The following KCNMB4 variants were observed in gnomAD, a reference collection of about 807,000 sequenced individuals.
The protein encoded by KCNMB4 is potassium calcium-activated channel subfamily M regulatory beta subunit 4, also known as calcium-activated potassium channel subunit beta-4.
In KCNMB4, 3 loss-of-function variants were observed where a neutral mutation model predicts 20.7. The observed-to-expected ratio is 0.14, with a 90% CI of 0.07 to 0.37. The LOEUF (loss-of-function observed/expected upper bound fraction) is 0.37, where lower values mean the gene tolerates loss of function less well. KCNMB4 is among the 10% of genes least tolerant of loss of function. The probability of loss-of-function intolerance (pLI) is 1.00; values close to 1 mark genes in which losing one functional copy is unlikely to be tolerated. For synonymous variants in KCNMB4, 110 were observed against 113.4 expected (o/e 0.97, Z 0.19); for missense variants, 168 against 265.9 (o/e 0.63, Z 2.56).
At chr12:70,421,470 GAAA>G (rs61303899) in intron 2 of KCNMB4, among the ~76,000 whole-genome samples, 1 of 75,670 alleles carries the variant, frequency 1.3e-5, no homozygotes. Flanking sequence ...TCTCAAAAAA[GAAA>G]AAAAAAAAAA....
chr12:70,413,243 A>G (rs999189725), intron 2 of KCNMB4, among the ~76,000 whole-genome samples: 1 of 152,212 alleles, frequency 6.6e-6, no homozygotes, highest in Non-Finnish European at 1.5e-5. Flanking sequence ...TCTAATGGTT[A>G]ATCAAAGTGT....
intron 2 of KCNMB4, chr12:70,422,593 G>T: frequency 2.9e-6 from 2 of 694,004 alleles, no homozygotes; most frequent in Non-Finnish European, 4.3e-6. Flanking sequence ...GAGCAACAAA[G>T]GATTTCTAAT....
At chr12:70,399,493 C>T (rs889666908) in intron 1 of KCNMB4, among the ~76,000 whole-genome samples, 3 of 152,206 alleles carry the variant, frequency 2.0e-5, no homozygotes, top group African/African-American at 4.8e-5. Flanking sequence ...GCATCATCTT[C>T]GTCATCGTTG....
intron 2 of KCNMB4, among the ~76,000 whole-genome samples, chr12:70,421,080 T>C (rs1229147482): frequency 1.3e-5 from 2 of 151,216 alleles, no homozygotes; most frequent in Admixed American, 1.3e-4. Flanking sequence ...ACTACAAATT[T>C]TAAAAGGTTC....
At position 70,378,032 on chromosome 12, in the gene KCNMB4, C is replaced by T. The variant is rs1883718419; in HGVS notation, c.336+10962C>T. ...TGGTGTAATCTCGTCTCACTGCAGC[C>T]TCCACCTCGCGAGTTCAAGTGACTC... On this transcript the variant is annotated intron_variant, in intron 1 of 2. Transcript: ENST00000258111. 2.6e-5 allele frequency among the ~76,000 whole-genome samples: 4 copies of T among 151,316 alleles called. No homozygotes were observed. In the South Asian group the frequency reaches 8.4e-4, roughly 32 times the overall value.
At chr12:70,400,438 G>C (rs554065979) in intron 2 of KCNMB4, 102 bp downstream of exon 2, 6 of 1,192,984 alleles carry the variant, frequency 5.0e-6, no homozygotes, top group Middle Eastern at 2.1e-4. Flanking sequence ...CATGGAGATA[G>C]CCTCAACTCT....
intron 1 of KCNMB4, among the ~76,000 whole-genome samples, chr12:70,390,334 A>C (rs1868289421): frequency 6.6e-6 from 1 of 152,186 alleles, no homozygotes; most frequent in African/African-American, 2.4e-5. Context: ...CAGCCCTGTA[A>C]ATCCCAACTT....
At chr12:70,390,468 ATAGTC>A (rs1248880802) in intron 1 of KCNMB4, among the ~76,000 whole-genome samples, 6 of 152,222 alleles carry the variant, frequency 3.9e-5, no homozygotes, top group Non-Finnish European at 8.8e-5. Context: ...CAAAAGGAGA[ATAGTC>A]ACTTGCCAAA....
intron 2 of KCNMB4, among the ~76,000 whole-genome samples, chr12:70,416,495 G>C (rs961764864): frequency 2.6e-5 from 4 of 152,170 alleles, no homozygotes; most frequent in African/African-American, 9.7e-5. Context: ...CTTGAAGACT[G>C]ATAGGGTCTT....
At chr12:70,375,994 C>G (rs1014868829) in intron 1 of KCNMB4, among the ~76,000 whole-genome samples, 1 of 151,754 alleles carries the variant, frequency 6.6e-6, no homozygotes, top group Non-Finnish European at 1.5e-5. Flanking sequence ...TGATTATATA[C>G]CATGATGAAG....
At chr12:70,387,260 G>A (rs1310123745) in intron 1 of KCNMB4, among the ~76,000 whole-genome samples, 5 of 151,938 alleles carry the variant, frequency 3.3e-5, no homozygotes, top group African/African-American at 1.2e-4. Flanking sequence ...CGGGATATTG[G>A]CTGTGATTTT....
intron 2 of KCNMB4, among the ~76,000 whole-genome samples, chr12:70,410,854 A>G (rs1226030803): frequency 6.6e-6 from 1 of 152,208 alleles, no homozygotes; most frequent in Non-Finnish European, 1.5e-5. Context: ...TGTACTCCTG[A>G]TGCTAACAGA....
intron 2 of KCNMB4, among the ~76,000 whole-genome samples, chr12:70,426,354 GA>G (rs1407139833): frequency 1.3e-5 from 2 of 148,840 alleles, no homozygotes; most frequent in Admixed American, 1.3e-4. Context: ...GGCAGTTTGG[GA>G]AATAGCTAGC....
In KCNMB4 at chr12:70,422,693, C is replaced by G. The variant is rs1247210420; in HGVS notation, c.465-7792C>G. ...AAAAAGACAGAAAGTCATAAGCATC[C>G]TTCTGGTTTGCAGGTCTTGATGATT... On this transcript the variant is annotated intron_variant, in intron 2 of 2. Coordinates refer to ENST00000258111, the MANE Select transcript of KCNMB4 (RefSeq NM_014505.6). 7 of 1,288,222 alleles carry G rather than the reference C, an allele frequency of 5.4e-6. 1 individual carries two copies. The South Asian group carries it at 8.7e-5, about 16-fold the overall frequency. 79.8% of individuals were successfully genotyped at this position (1,288,222 alleles called of 1,614,324 possible). A position where few individuals can be genotyped will look rare whatever the true frequency, so the allele number is the denominator to read the frequency against.
intron 1 of KCNMB4, among the ~76,000 whole-genome samples, chr12:70,378,782 C>T (rs1883732793): frequency 6.6e-6 from 1 of 152,142 alleles, no homozygotes; most frequent in Admixed American, 6.5e-5. Context: ...AGTGATTCAC[C>T]CATCTCGGCC....
intron 1 of KCNMB4, 55 bp downstream of exon 1, chr12:70,367,125 G>T: frequency 7.1e-7 from 1 of 1,402,528 alleles, no homozygotes; most frequent in Non-Finnish European, 9.5e-7. Flanking sequence ...TGGAGGCAGC[G>T]TCGGTGTTAG....
Position 70,431,269 on chromosome 12 carries a change from G to T in KCNMB4, c.*616G>T, listed in dbSNP as rs1869357652. 1 of 152,100 alleles carries T rather than the reference G, an allele frequency of 6.6e-6. No homozygotes were observed. Among genetic ancestry groups the T allele is most frequent in the Non-Finnish European group, 1.5e-5 (1 of 68,040 alleles). 9.4% of individuals were successfully genotyped at this position (152,100 alleles called of 1,614,324 possible). ...TCACCTCTGTGTCTCTTAAGCAAGA[G>T]ATTCTAAAAGATTGGGAAAACATAT... On this transcript the variant is annotated 3_prime_UTR_variant, in exon 3 of 3. Transcript: ENST00000258111.
intron 1 of KCNMB4, among the ~76,000 whole-genome samples, chr12:70,381,421 T>C (rs989599803): frequency 1.3e-5 from 2 of 152,184 alleles, no homozygotes; most frequent in Non-Finnish European, 2.9e-5. Context: ...GCAGAAACTT[T>C]GTACATGACT....
intron 2 of KCNMB4, among the ~76,000 whole-genome samples, chr12:70,421,904 G>C (rs1869073263): frequency 7.1e-6 from 1 of 141,842 alleles, no homozygotes; most frequent in Non-Finnish European, 1.5e-5. Flanking sequence ...TTTTAACGAA[G>C]TTATTTTTCT....
Sources: allele counts gnomAD v4.1 joint callset (sites outside exome capture counted in the v4.1 genomes callset), GRCh38; gene constraint gnomAD v4.1.1; transcripts MANE v1.5; gene names NCBI Gene and HGNC (gene_info 2026-07-23, HGNC 2026-07-21).